The following PIP5K1A variants were observed in gnomAD, a reference collection of about 807,000 sequenced individuals.
PIP5K1A encodes phosphatidylinositol-4-phosphate 5-kinase type 1 alpha.
In PIP5K1A, 46 loss-of-function variants were observed where a neutral mutation model predicts 72.9. The ratio of observed to expected loss-of-function variants is 0.63; its 90% CI spans 0.50 to 0.81. The LOEUF (loss-of-function observed/expected upper bound fraction) is 0.81, where lower values mean the gene tolerates loss of function less well. Among genes scored for constraint, PIP5K1A ranks in the 30% least tolerant of loss-of-function variants. PIP5K1A has a pLI of 0.00. For synonymous variants in PIP5K1A, 228 were observed against 255.1 expected (o/e 0.89, Z 1.01); for missense variants, 458 against 706.1 (o/e 0.65, Z 3.98).
intron 11 of PIP5K1A, among the ~76,000 whole-genome samples, 163 bp from the exon 12 acceptor site, chr1:151,239,792 T>C (rs1185008668): frequency 6.6e-6 from 1 of 152,182 alleles, no homozygotes; most frequent in African/African-American, 2.4e-5. Flanking sequence ...CTTCCCAAAA[T>C]GCTAGGATTA....
At position 151,246,367 on chromosome 1, in the gene PIP5K1A, T is replaced by C. The variant is rs146389145; in HGVS notation, c.1641-553T>C. ...AAAGCTTATCTGAGGGAAGATCAGC[T>C]TCTCAGCTCACTTATATGGTTGTTG... On this transcript the variant is annotated intron_variant, in intron 14 of 15. Transcript: ENST00000368888. 3.0e-3 allele frequency among the ~76,000 whole-genome samples: 452 copies of C among 152,284 alleles called. 6 individuals carry two copies. The highest frequency in any genetic ancestry group is 0.01 in the African/African-American group (423 of 41,552).
intron 9 of PIP5K1A, 111 bp from the exon 10 acceptor site, chr1:151,238,071 C>T: frequency 4.5e-6 from 3 of 672,246 alleles, no homozygotes; most frequent in South Asian, 3.4e-5. Flanking sequence ...TATTATCTGA[C>T]CTTCTGGTTT....
intron 1 of PIP5K1A, among the ~76,000 whole-genome samples, chr1:151,212,923 C>G (rs2102148831): frequency 7.2e-6 from 1 of 139,192 alleles, no homozygotes; most frequent in Non-Finnish European, 1.5e-5. Context: ...CAGAGTCTCG[C>G]TCTGTCGCCC....
chr1:151,238,330 T>C (rs775094770), intron 10 of PIP5K1A, 65 bp downstream of exon 10: 15 of 1,067,346 alleles, frequency 1.4e-5, no homozygotes, highest in Middle Eastern at 2.0e-4. Context: ...CGTTTCTCTT[T>C]TAGATAGGTT....
At chr1:151,242,926 C>G (rs190332704) in intron 14 of PIP5K1A, among the ~76,000 whole-genome samples, 27 of 152,294 alleles carry the variant, frequency 1.8e-4, no homozygotes, top group African/African-American at 6.5e-4. Flanking sequence ...TGGGGGCTTC[C>G]CTCAGTTCTT....
intron 1 of PIP5K1A, among the ~76,000 whole-genome samples, chr1:151,216,818 C>T (rs1687700840): frequency 6.6e-6 from 1 of 151,242 alleles, no homozygotes; most frequent in Non-Finnish European, 1.5e-5. Context: ...CATGTTGTTA[C>T]TTCCACATTT....
chr1:151,198,167 C>A, upstream of PIP5K1A: 2 of 459,276 alleles, frequency 4.4e-6, no homozygotes, highest in Non-Finnish European at 9.0e-6. Flanking sequence ...AGTAGTAAAA[C>A]AGGAAAAAGA....
chr1:151,195,704 G>A (rs587605486), upstream of PIP5K1A, among the ~76,000 whole-genome samples: 20 of 151,440 alleles, frequency 1.3e-4, no homozygotes, highest in Admixed American at 9.2e-4. Context: ...TAAGCCAAGC[G>A]CCACTGCACT....
At chr1:151,233,143 C>T (rs1370151732) in intron 7 of PIP5K1A, among the ~76,000 whole-genome samples, 6 of 151,140 alleles carry the variant, frequency 4.0e-5, no homozygotes, top group African/African-American at 7.3e-5. Flanking sequence ...GTGCTTTTCA[C>T]CCCATTTCTT....
chr1:151,237,787 T>C (rs1691106053), intron 9 of PIP5K1A, among the ~76,000 whole-genome samples: 1 of 152,218 alleles, frequency 6.6e-6, no homozygotes, highest in Admixed American at 6.5e-5. Flanking sequence ...TATCCTGTAA[T>C]ATGACTCTCA....
chr1:151,229,863 A>T (rs1248874738), intron 4 of PIP5K1A, among the ~76,000 whole-genome samples: 1 of 151,686 alleles, frequency 6.6e-6, no homozygotes, highest in African/African-American at 2.4e-5. Flanking sequence ...GCAGGTGGAT[A>T]ACGAGGTCAG....
At chr1:151,240,146 C>A in intron 12 of PIP5K1A, 107 bp downstream of exon 12, 1 of 768,830 alleles carries the variant, frequency 1.3e-6, no homozygotes, top group East Asian at 2.5e-5. Context: ...ATGCCAGAGG[C>A]CTCTCCTTCC....
intron 12 of PIP5K1A, 106 bp downstream of exon 12, chr1:151,240,145 G>A (rs1691484038): frequency 3.9e-6 from 3 of 777,854 alleles, no homozygotes; most frequent in Non-Finnish European, 6.8e-6. Flanking sequence ...AATGCCAGAG[G>A]CCTCTCCTTC....
intron 1 of PIP5K1A, chr1:151,216,070 C>A: frequency 2.4e-6 from 2 of 817,908 alleles, no homozygotes; most frequent in Non-Finnish European, 3.7e-6. Context: ...AATTCCTCTT[C>A]CCCATAACAG....
At chr1:151,199,760 G>A (rs1684953789) in intron 1 of PIP5K1A, among the ~76,000 whole-genome samples, 1 of 152,138 alleles carries the variant, frequency 6.6e-6, no homozygotes, top group African/African-American at 2.4e-5. Context: ...GGGCTAATTG[G>A]ATGAAAATGT....
chr1:151,248,075 G>C lies in PIP5K1A; in HGVS notation c.*210G>C. 1.7e-6 allele frequency: 1 copy of C among 584,014 alleles called. No individual in the cohort carries two copies. The highest frequency in any genetic ancestry group is 3.0e-6 in the Non-Finnish European group (1 of 328,466). 36.2% of individuals were successfully genotyped at this position (584,014 alleles called of 1,614,324 possible). A position where few individuals can be genotyped will look rare whatever the true frequency, so the allele number is the denominator to read the frequency against. ...CATGAATGGGCCTTAGTGCCTCAGA[G>C]AGTTGAGGACCGCAGCATCCCCTCC... is the stretch of plus-strand genomic sequence containing the variant. On this transcript the variant is annotated 3_prime_UTR_variant, in exon 16 of 16. Coordinates refer to ENST00000368888, the MANE Select transcript of PIP5K1A (RefSeq NM_001135638.2).
intron 1 of PIP5K1A, among the ~76,000 whole-genome samples, chr1:151,216,731 G>A (rs1423122378): frequency 6.6e-6 from 1 of 152,030 alleles, no homozygotes; most frequent in East Asian, 1.9e-4. Context: ...GGCATTTATT[G>A]TAGATTAAGT....
intron 1 of PIP5K1A, among the ~76,000 whole-genome samples, chr1:151,207,254 T>C (rs1320563747): frequency 1.3e-5 from 2 of 152,222 alleles, no homozygotes. Context: ...AAGGTGGCTA[T>C]CTGCCAAAAA....
intron 3 of PIP5K1A, among the ~76,000 whole-genome samples, chr1:151,226,713 C>CA (rs112650908): frequency 0.64 from 79,934 of 124,672 alleles, 24,991 homozygotes; most frequent in Non-Finnish European, 0.7. Flanking sequence ...AACTCTGTCT[C>CA]AAAAAAAAAA....
Sources: allele counts gnomAD v4.1 joint callset (sites outside exome capture counted in the v4.1 genomes callset), GRCh38; gene constraint gnomAD v4.1.1; transcripts MANE v1.5; gene names NCBI Gene and HGNC (gene_info 2026-07-23, HGNC 2026-07-21).